Variants in ANKS1B observed in about 807,000 individuals in gnomAD.
ANKS1B encodes the protein ankyrin repeat and sterile alpha motif domain containing 1B.
Under a neutral mutation model 148.3 loss-of-function variants are expected in ANKS1B, and 36 were observed. That is an observed-to-expected ratio of 0.24 (90% CI 0.19 to 0.32). ANKS1B has a LOEUF of 0.32. Ranked by LOEUF, ANKS1B falls within the 10% of genes least tolerant of loss-of-function variation. The pLI is 1.00. For missense variants in ANKS1B, 1,157 were observed against 1,542.6 expected (o/e 0.75, Z 4.19); for synonymous variants, 542 against 560.8 (o/e 0.97, Z 0.47).
At chr12:98,846,804 GC>G (rs2099476018) in intron 17 of ANKS1B, among the ~76,000 whole-genome samples, 2 of 152,062 alleles carry the variant, frequency 1.3e-5, no homozygotes, top group Admixed American at 1.3e-4. Context: ...ACAAATAATA[GC>G]AAAAGAACAA....
intron 5 of ANKS1B, 147 bp from the exon 6 acceptor site, chr12:99,780,119 ACACACACACATGCG>A: frequency 1.7e-6 from 1 of 603,060 alleles, no homozygotes; most frequent in East Asian, 3.0e-5. Flanking sequence ...ACACACACAT[ACACACACACATGCG>A]CACACACACA....
chr12:99,201,363 C>A (rs1262089943), intron 14 of ANKS1B, among the ~76,000 whole-genome samples: 1 of 151,802 alleles, frequency 6.6e-6, no homozygotes, highest in African/African-American at 2.4e-5. Flanking sequence ...AGTCAAGTAT[C>A]CTATGAGTAC....
intron 9 of ANKS1B, among the ~76,000 whole-genome samples, chr12:99,645,524 C>A (rs1230456327): frequency 6.6e-6 from 1 of 151,758 alleles, no homozygotes; most frequent in East Asian, 1.9e-4. Flanking sequence ...AAAATAAGGC[C>A]CAGAGAGGTT....
intron 16 of ANKS1B, among the ~76,000 whole-genome samples, chr12:99,063,737 C>A (rs1010279792): frequency 6.6e-6 from 1 of 152,000 alleles, no homozygotes; most frequent in Non-Finnish European, 1.5e-5. Flanking sequence ...AGGAAGACAC[C>A]CTTTAAGGAG....
intron 12 of ANKS1B, among the ~76,000 whole-genome samples, chr12:99,294,815 G>A (rs2080613686): frequency 2.0e-5 from 3 of 152,038 alleles, no homozygotes; most frequent in Admixed American, 6.6e-5. Context: ...CACCACGCCC[G>A]GCTAATTTTG....
chr12:99,899,542 T>C (rs1262968956), intron 1 of ANKS1B, among the ~76,000 whole-genome samples: 1 of 152,160 alleles, frequency 6.6e-6, no homozygotes, highest in African/African-American at 2.4e-5. Flanking sequence ...TATTAAGTAA[T>C]TAGCAATAGT....
chr12:98,840,888 TG>T (rs2099402242), intron 17 of ANKS1B, among the ~76,000 whole-genome samples: 2 of 152,260 alleles, frequency 1.3e-5, no homozygotes, highest in South Asian at 4.1e-4. Context: ...ACCCAATCAT[TG>T]GGGTTATTGA....
intron 26 of ANKS1B, among the ~76,000 whole-genome samples, chr12:98,748,554 G>A (rs77319519): frequency 0.022 from 3,276 of 152,280 alleles, 128 homozygotes; most frequent in African/African-American, 0.074. Flanking sequence ...GGCACCATGA[G>A]CTTTGCAGCT....
At chr12:99,245,884 A>G (rs12229071) in intron 13 of ANKS1B, among the ~76,000 whole-genome samples, 9,464 of 152,252 alleles carry the variant, frequency 0.062, 565 homozygotes, top group East Asian at 0.22. Flanking sequence ...AATATAAGAT[A>G]CTTTAAAGAA....
At chr12:99,747,827 A>C (rs2060737396) in intron 8 of ANKS1B, among the ~76,000 whole-genome samples, 1 of 152,170 alleles carries the variant, frequency 6.6e-6, no homozygotes. Context: ...ACATGTGAAA[A>C]ATGAACCATT....
chr12:99,445,444 T>C (rs1437686073), intron 10 of ANKS1B, among the ~76,000 whole-genome samples: 2 of 152,014 alleles, frequency 1.3e-5, no homozygotes, highest in Non-Finnish European at 2.9e-5. Flanking sequence ...ACATCATCAT[T>C]ATATATTTGT....
chr12:99,026,414 C>T lies in ANKS1B; in HGVS notation c.2778+26743G>A, dbSNP rs375150119. On this transcript the variant is annotated intron_variant, in intron 17 of 26. Coordinates refer to ENST00000683438, the MANE Select transcript of ANKS1B (RefSeq NM_001352186.2). ...GACTCTGGTGGTCTCTGTTCCAACT[C>T]CCTATAGGAGTAGGGACAGACGACC... is the stretch of plus-strand genomic sequence containing the variant. Among the ~76,000 whole-genome samples, 116 of 152,232 alleles carry T rather than the reference C, an allele frequency of 7.6e-4. 1 individual carries two copies. The highest frequency in any genetic ancestry group is 2.7e-3 in the African/African-American group (114 of 41,542).
chr12:99,232,018 T>C (rs565751677), intron 14 of ANKS1B, among the ~76,000 whole-genome samples: 1 of 152,174 alleles, frequency 6.6e-6, no homozygotes, highest in South Asian at 2.1e-4. Flanking sequence ...TCTGCTGCGG[T>C]GAGGGACTCT....
chr12:99,776,148 A>T (rs1361981209), intron 6 of ANKS1B, among the ~76,000 whole-genome samples: 1 of 152,232 alleles, frequency 6.6e-6, no homozygotes, highest in African/African-American at 2.4e-5. Flanking sequence ...ATCTTGTAAC[A>T]TAAGCATAAT....
At chr12:99,710,122 A>G (rs2153534709) in intron 8 of ANKS1B, among the ~76,000 whole-genome samples, 1 of 152,294 alleles carries the variant, frequency 6.6e-6, no homozygotes, top group African/African-American at 2.4e-5. Flanking sequence ...TCATGCCACT[A>G]TAGAAATGAC....
At chr12:98,853,897 A>G (rs1463512708) in intron 17 of ANKS1B, among the ~76,000 whole-genome samples, 1 of 152,192 alleles carries the variant, frequency 6.6e-6, no homozygotes, top group East Asian at 1.9e-4. Context: ...AGATGGTGGG[A>G]CAACCGACAG....
chr12:99,395,543 T>A (rs985253956), intron 12 of ANKS1B, among the ~76,000 whole-genome samples: 19 of 152,258 alleles, frequency 1.2e-4, no homozygotes, highest in Admixed American at 1.1e-3. Flanking sequence ...TTAAACCAAT[T>A]TACATTTTCC....
chr12:99,407,574 T>C (rs2094561938), intron 11 of ANKS1B, among the ~76,000 whole-genome samples: 1 of 145,896 alleles, frequency 6.9e-6, no homozygotes, highest in South Asian at 2.1e-4. Context: ...GAATTTGAAT[T>C]AGCCTTTCAA....
At position 99,417,141 on chromosome 12, in the gene ANKS1B, C is replaced by T. The variant is rs80176594; in HGVS notation, c.1576-17330G>A. On this transcript the variant is annotated intron_variant, in intron 11 of 26. Coordinates refer to ENST00000683438, the MANE Select transcript of ANKS1B (RefSeq NM_001352186.2). Reference sequence around the variant, plus strand: ...TCAAGTATAAGAACTCTTTGTCTAACTCTAGATCCCAGAAATTTTTTTCCT... The same window carrying T: ...TCAAGTATAAGAACTCTTTGTCTAATTCTAGATCCCAGAAATTTTTTTCCT... 7.3e-3 allele frequency among the ~76,000 whole-genome samples: 1,112 copies of T among 152,320 alleles called. 13 individuals carry two copies. Among genetic ancestry groups the T allele is most frequent in the African/African-American group, 0.025 (1,039 of 41,564 alleles).
Sources: allele counts gnomAD v4.1 joint callset (sites outside exome capture counted in the v4.1 genomes callset), GRCh38; gene constraint gnomAD v4.1.1; transcripts MANE v1.5; gene names NCBI Gene and HGNC (gene_info 2026-07-23, HGNC 2026-07-21).